Variants in ATP2C1 observed in about 807,000 individuals in gnomAD.
ATP2C1 encodes the protein calcium-transporting ATPase type 2C member 1.
A neutral mutation model predicts 120.5 loss-of-function variants in ATP2C1; 31 were observed. The ratio of observed to expected loss-of-function variants is 0.26; its 90% CI spans 0.19 to 0.35. ATP2C1 has a LOEUF of 0.35. Ranked by LOEUF, ATP2C1 falls within the 10% of genes least tolerant of loss-of-function variation. The pLI is 1.00. For synonymous variants in ATP2C1, 351 were observed against 358.7 expected, an observed-to-expected ratio of 0.98 and a Z score of 0.24; for missense variants, 731 against 1,107.5, an observed-to-expected ratio of 0.66 and a Z score of 4.83.
upstream of ATP2C1, chr3:130,893,910 G>T (rs1007064555): frequency 8.1e-6 from 8 of 985,332 alleles, no homozygotes; most frequent in African/African-American, 1.2e-4. Flanking sequence ...CCGAAGTCTC[G>T]GCCTTCACTT....
chr3:130,934,554 TAAAG>T, intron 4 of ATP2C1, 64 bp from the exon 5 acceptor site: 2 of 1,020,962 alleles, frequency 2.0e-6, no homozygotes, highest in Admixed American at 1.9e-5. Context: ...TTTTTTTTTT[TAAAG>T]CCTTTGCTGA....
At chr3:130,957,695 G>A (rs927179251) in intron 11 of ATP2C1, among the ~76,000 whole-genome samples, 1 of 151,894 alleles carries the variant, frequency 6.6e-6, no homozygotes, top group Admixed American at 6.6e-5. Flanking sequence ...TTACAGGTGT[G>A]CACCACCACA....
At chr3:130,883,945 C>CTTTTTTTTTTTTTTTTTTT (rs35365168) in intron 1 of ATP2C1, among the ~76,000 whole-genome samples, 7 of 122,438 alleles carry the variant, frequency 5.7e-5, no homozygotes, top group Non-Finnish European at 1.0e-4. Flanking sequence ...TTCTTTTCTT[C>CTTTTTTTTTTTTTTTTTTT]TTTTTTTTTT....
At chr3:130,964,897 C>A in intron 13 of ATP2C1, 51 bp from the exon 14 acceptor site, 2 of 1,339,504 alleles carry the variant, frequency 1.5e-6, no homozygotes, top group Non-Finnish European at 2.1e-6. Flanking sequence ...TTAAGTGAAC[C>A]TATATTTCTC....
intron 8 of ATP2C1, among the ~76,000 whole-genome samples, chr3:130,952,117 G>C (rs1332371435): frequency 1.3e-5 from 2 of 151,996 alleles, no homozygotes; most frequent in South Asian, 4.2e-4. Context: ...ACCTGGTTTT[G>C]GGGAATGTTT....
rs377665803 is a variant in ATP2C1, at chr3:130,937,420, T to C, written c.325-8T>C. On this transcript the variant is annotated splice_polypyrimidine_tract_variant and splice_region_variant and intron_variant, in intron 5 of 27. Coordinates refer to ENST00000510168, the MANE Select transcript of ATP2C1 (RefSeq NM_001378687.1). ...TGTCTGATTTAAAAGCCTGTTTCTT[T>C]TGTTTAGGCAATACTTATCGTTGTT... 2 of 1,613,016 alleles carry C rather than the reference T, an allele frequency of 1.2e-6. No individual in the cohort carries two copies.
At chr3:130,904,561 G>A (rs1222784306) in intron 2 of ATP2C1, among the ~76,000 whole-genome samples, 1 of 151,918 alleles carries the variant, frequency 6.6e-6, no homozygotes, top group Non-Finnish European at 1.5e-5. Context: ...AATAATAAAT[G>A]TTCATTTTAA....
At chr3:130,996,977 G>A (rs575969089) in intron 24 of ATP2C1, among the ~76,000 whole-genome samples, 181 bp downstream of exon 24, 4 of 152,234 alleles carry the variant, frequency 2.6e-5, no homozygotes, top group East Asian at 1.9e-4. Flanking sequence ...TGCATGCAGT[G>A]TAGATCTGAG....
intron 2 of ATP2C1, among the ~76,000 whole-genome samples, chr3:130,911,789 G>A (rs1343632070): frequency 2.7e-5 from 4 of 148,098 alleles, no homozygotes; most frequent in African/African-American, 5.0e-5. Flanking sequence ...AGCCCGCATC[G>A]CCAAGTCAAT....
chr3:130,992,345 A>G (rs186705530), intron 20 of ATP2C1, among the ~76,000 whole-genome samples: 1 of 152,352 alleles, frequency 6.6e-6, no homozygotes, highest in Non-Finnish European at 1.5e-5. Context: ...AGAGTAAAAA[A>G]TAGAGGAGAT....
chr3:130,874,146 G>GA (rs1158885831), intron 1 of ATP2C1, among the ~76,000 whole-genome samples: 1 of 150,576 alleles, frequency 6.6e-6, no homozygotes, highest in Admixed American at 6.6e-5. Context: ...GAAAAGATAA[G>GA]AAAAAAATCT....
At chr3:130,887,073 T>C (rs994831550) in intron 1 of ATP2C1, among the ~76,000 whole-genome samples, 2 of 152,224 alleles carry the variant, frequency 1.3e-5, no homozygotes, top group Non-Finnish European at 2.9e-5. Context: ...TTGTGGTTCT[T>C]GTAGACTTGT....
chr3:130,984,487 A>T (rs961911922), intron 20 of ATP2C1, among the ~76,000 whole-genome samples: 2 of 152,200 alleles, frequency 1.3e-5, no homozygotes, highest in African/African-American at 4.8e-5. Context: ...CTAGACCTCC[A>T]GCCCCACTTC....
At chr3:130,896,139 T>G (rs2069609160) in intron 2 of ATP2C1, among the ~76,000 whole-genome samples, 1 of 152,248 alleles carries the variant, frequency 6.6e-6, no homozygotes, top group African/African-American at 2.4e-5. Context: ...ACTTCTAACA[T>G]TTAATGTATG....
Position 131,001,684 on chromosome 3 carries a change from T to A in ATP2C1, c.*334T>A, listed in dbSNP as rs1347244988. ...GTACAAATACACTATCTATCTTAGA[T>A]AGATATATTTTTTTTTATTTTTAAA... On this transcript the variant is annotated 3_prime_UTR_variant, in exon 28 of 28. Transcript: ENST00000510168. 4.1e-6 allele frequency: 4 copies of A among 977,760 alleles called. No individual in the cohort carries two copies. Among genetic ancestry groups the A allele is most frequent in the Non-Finnish European group, 4.9e-6 (4 of 821,396 alleles). The allele number at this position is 977,760 out of a possible 1,614,324, so 60.6% of individuals were successfully genotyped here.
chr3:130,953,869 C>T lies in ATP2C1; in HGVS notation c.580C>T (p.Pro194Ser), dbSNP rs2060472956. 6.2e-7 allele frequency: 1 copy of T among 1,613,882 alleles called. No individual in the cohort carries two copies. Among genetic ancestry groups the T allele is most frequent in the African/African-American group, 1.3e-5 (1 of 74,890 alleles). ...DESSLTGETT[P>S]CSKVTAPQPA... The stretch of plus-strand genomic sequence containing the variant: ...GTCCAGCTTGACAGGTGAGACAACG[C>T]CTTGTTCTAAGGTGACAGCTCCTCA... The change falls in exon 9 of 28, where the codon CCT (proline) becomes TCT (serine). Residue 194 changes from proline to serine, a missense_variant. By Grantham distance (74) the Pro-to-Ser change is moderately conservative. Around this residue, in one of 3 missense-constraint regions of ATP2C1, gnomAD observed 571 missense variants for 845.9 expected, o/e 0.67. Transcript: ENST00000510168.
chr3:130,919,350 G>A (rs924961744), intron 2 of ATP2C1, among the ~76,000 whole-genome samples: 22 of 151,208 alleles, frequency 1.5e-4, no homozygotes, highest in African/African-American at 5.1e-4. Flanking sequence ...TCAGCCTCCC[G>A]AGTAGTTGGG....
At chr3:130,892,970 A>G (rs1395724734), upstream of ATP2C1, among the ~76,000 whole-genome samples, 1 of 152,226 alleles carries the variant, frequency 6.6e-6, no homozygotes, top group Non-Finnish European at 1.5e-5. Context: ...GCAAATTTGT[A>G]AAGTGTCTAA....
intron 2 of ATP2C1, chr3:130,914,442 T>C (rs1459966821): frequency 6.6e-6 from 1 of 152,158 alleles, no homozygotes; most frequent in African/African-American, 2.4e-5. Flanking sequence ...TCAACTGCCT[T>C]CAGACCAGCC....
Sources: allele counts gnomAD v4.1 joint callset (sites outside exome capture counted in the v4.1 genomes callset), GRCh38; gene constraint gnomAD v4.1.1; regional missense constraint gnomAD v4.1.1; transcripts MANE v1.5; gene names NCBI Gene and HGNC (gene_info 2026-07-23, HGNC 2026-07-21).